The following ANK3 variants were observed in gnomAD, a reference collection of about 807,000 sequenced individuals.
ANK3 encodes ankyrin 3, also known as ankyrin-3.
In ANK3, 57 loss-of-function variants were observed where a neutral mutation model predicts 370.9. The ratio of observed to expected loss-of-function variants is 0.15; its 90% CI spans 0.12 to 0.19. The LOEUF (loss-of-function observed/expected upper bound fraction) is 0.19. ANK3 is among the 10% of genes least tolerant of loss of function. The pLI is 1.00. For synonymous variants in ANK3, 1,929 were observed against 1,946.3 expected (o/e 0.99, Z 0.23); for missense variants, 4,439 against 5,302.1 (o/e 0.84, Z 5.06).
At position 60,463,640 on chromosome 10, in the gene ANK3, C is replaced by T. The variant is rs188832422; in HGVS notation, c.96+151546G>A. Among the ~76,000 whole-genome samples, 22 of 151,332 alleles carry T rather than the reference C, an allele frequency of 1.5e-4. No homozygotes were observed. In the East Asian group the frequency reaches 3.9e-3, roughly 27 times the overall value. ...CAAAGGACAGTCTGATATAACTGTT[C>T]CATTTTATTCTCAATGGTGAACATT... is the stretch of plus-strand genomic sequence containing the variant. On this transcript the variant is annotated intron_variant, in intron 2 of 43. Transcript: ENST00000373827.
chr10:60,259,281 C>T (rs1374654777), intron 7 of ANK3, among the ~76,000 whole-genome samples: 1 of 152,140 alleles, frequency 6.6e-6, no homozygotes, highest in South Asian at 2.1e-4. Context: ...TCATCAATCA[C>T]CCACTGCAGA....
chr10:60,485,527 TA>T (rs1567082277), intron 2 of ANK3, among the ~76,000 whole-genome samples: 1 of 152,136 alleles, frequency 6.6e-6, no homozygotes. Context: ...CAAGGGACAC[TA>T]AACCTCTGGG....
chr10:60,410,507 A>G (rs1017415840), intron 2 of ANK3, among the ~76,000 whole-genome samples: 1 of 152,164 alleles, frequency 6.6e-6, no homozygotes, highest in African/African-American at 2.4e-5. Flanking sequence ...CCAAAAGAAC[A>G]TTCATTCTTA....
At chr10:60,642,967 A>C (rs2078657078) in intron 1 of ANK3, among the ~76,000 whole-genome samples, 1 of 152,316 alleles carries the variant, frequency 6.6e-6, no homozygotes, top group South Asian at 2.1e-4. Context: ...AAACAAATGT[A>C]TTATAATAAA....
At chr10:60,644,838 T>TAAA (rs146950954) in intron 1 of ANK3, among the ~76,000 whole-genome samples, 4 of 108,306 alleles carry the variant, frequency 3.7e-5, no homozygotes, top group Non-Finnish European at 5.5e-5. Flanking sequence ...TTAATTTAGT[T>TAAA]AAAAGAAAAA....
At chr10:60,252,986 T>A (rs1411579258) in intron 7 of ANK3, among the ~76,000 whole-genome samples, 1 of 152,224 alleles carries the variant, frequency 6.6e-6, no homozygotes, top group Non-Finnish European at 1.5e-5. Flanking sequence ...ATTATTTCAT[T>A]CAATCATCAC....
chr10:60,125,617 A>AC (rs939557069), intron 25 of ANK3, among the ~76,000 whole-genome samples: 4 of 151,870 alleles, frequency 2.6e-5, no homozygotes, highest in African/African-American at 9.7e-5. Context: ...GTTTCTGAGC[A>AC]CCCCCCTTAG....
intron 26 of ANK3, among the ~76,000 whole-genome samples, chr10:60,109,765 T>A (rs186393881): frequency 5.9e-4 from 90 of 152,358 alleles, no homozygotes; most frequent in African/African-American, 2.0e-3. Context: ...ATTGGCCTTT[T>A]ATTAAAGCTA....
intron 4 of ANK3, among the ~76,000 whole-genome samples, chr10:60,276,751 G>T (rs887144648): frequency 2.0e-5 from 3 of 151,964 alleles, no homozygotes; most frequent in African/African-American, 7.3e-5. Context: ...TGTTTGAAAG[G>T]AGGAGGTTGA....
intron 7 of ANK3, among the ~76,000 whole-genome samples, chr10:60,238,130 T>C (rs923592669): frequency 5.9e-5 from 9 of 152,156 alleles, no homozygotes; most frequent in Non-Finnish European, 1.2e-4. Flanking sequence ...AAAATGAAAG[T>C]GGTACCTCAG....
intron 2 of ANK3, among the ~76,000 whole-genome samples, chr10:60,420,642 A>C (rs1328182004): frequency 6.6e-6 from 1 of 152,092 alleles, no homozygotes; most frequent in Non-Finnish European, 1.5e-5. Flanking sequence ...TCTGTGTCAA[A>C]ATGAACCATT....
At chr10:60,651,343 C>T (rs1398201200) in intron 1 of ANK3, among the ~76,000 whole-genome samples, 3 of 152,154 alleles carry the variant, frequency 2.0e-5, no homozygotes, top group African/African-American at 4.8e-5. Flanking sequence ...AGGGAGCCCA[C>T]TACACTCTCC....
In ANK3 at chr10:60,685,050, GC is replaced by G. The variant is rs548898660; in HGVS notation, c.57+48212del. The G allele has an allele frequency of 2.0e-4, 290 of 1,416,718 alleles. 3 individuals are homozygous for G. In the African/African-American group the frequency reaches 3.5e-3, roughly 17 times the overall value. The allele number at this position is 1,416,718 out of a possible 1,614,324, so 87.8% of individuals were successfully genotyped here. A position where few individuals can be genotyped will look rare whatever the true frequency, so the allele number is the denominator to read the frequency against. On this transcript the variant is annotated intron_variant, in intron 1 of 43. Transcript: ENST00000373827. The stretch of plus-strand genomic sequence containing the variant: ...GCCTAAAGGAAGGACTTGAGAAACT[GC>G]ATGATATGATCATTAAAGAAAAGAT...
In ANK3 at chr10:60,070,856, T is replaced by A; in HGVS notation, c.10025A>T (p.Glu3342Val). Reference sequence around the variant, plus strand: ...AGAAGCTTTGGGTTTTTCTTTTTGTTCATCGTCCACTTCCTTTAATTTGAA... The same window carrying A: ...AGAAGCTTTGGGTTTTTCTTTTTGTACATCGTCCACTTCCTTTAATTTGAA... ...YTFKLKEVDD[E>V]QKEKPKASAE... is the part of the protein sequence containing the mutation. The change falls in exon 37 of 44, where the codon GAA becomes GTA. Residue 3342 changes from glutamate to valine, a missense_variant. Glu to Val is a moderately radical substitution (Grantham distance 121). Coordinates refer to ENST00000280772, the MANE Select transcript of ANK3 (RefSeq NM_020987.5). The surrounding 1 kb of genome is among the most constrained non-coding windows in gnomAD (Gnocchi z 5.7). 1 of 1,614,130 alleles carries A rather than the reference T, an allele frequency of 6.2e-7. No homozygotes were observed. Among genetic ancestry groups the A allele is most frequent in the Non-Finnish European group, 8.5e-7 (1 of 1,180,008 alleles).
At chr10:60,225,294 T>C (rs181818962) in intron 8 of ANK3, among the ~76,000 whole-genome samples, 45 of 152,302 alleles carry the variant, frequency 3.0e-4, no homozygotes, top group Non-Finnish European at 4.9e-4. Flanking sequence ...GTTATCGAGA[T>C]AGCCTAAGAG....
intron 1 of ANK3, among the ~76,000 whole-genome samples, chr10:60,625,944 T>G (rs1168786652): frequency 6.6e-6 from 1 of 152,172 alleles, no homozygotes; most frequent in Non-Finnish European, 1.5e-5. Flanking sequence ...AGCAATGACA[T>G]TCAAAGCTGT....
intron 2 of ANK3, among the ~76,000 whole-genome samples, chr10:60,484,736 C>T (rs768840432): frequency 1.3e-5 from 2 of 152,170 alleles, no homozygotes; most frequent in African/African-American, 4.8e-5. Flanking sequence ...AAGCAACTTC[C>T]ACCTATCACA....
intron 2 of ANK3, among the ~76,000 whole-genome samples, chr10:60,417,550 T>C (rs767582033): frequency 1.8e-4 from 27 of 152,114 alleles, no homozygotes; most frequent in Admixed American, 1.4e-3. Context: ...CTGGTTGCAA[T>C]TGAACAATGG....
chr10:60,051,498 T>C (rs2077984726), intron 42 of ANK3: 2 of 985,522 alleles, frequency 2.0e-6, no homozygotes, highest in Admixed American at 6.1e-5. Flanking sequence ...CGCCGGCGAA[T>C]AACTCGGGTA....
Sources: allele counts gnomAD v4.1 joint callset (sites outside exome capture counted in the v4.1 genomes callset), GRCh38; gene constraint gnomAD v4.1.1; non-coding constraint Gnocchi (gnomAD v3.1); transcripts MANE v1.5; gene names NCBI Gene and HGNC (gene_info 2026-07-23, HGNC 2026-07-21).